CWC27: variants seen among roughly 807,000 people sequenced by gnomAD.
CWC27 encodes the protein spliceosome-associated protein CWC27 homolog.
CWC27 carries 47 observed loss-of-function variants against 63.6 expected under a neutral mutation model. The observed-to-expected ratio is 0.74, with a 90% CI of 0.58 to 0.94. The LOEUF is 0.94. Among genes scored for constraint, CWC27 ranks in the 40% least tolerant of loss-of-function variants. CWC27 has a pLI of 0.00. For missense variants in CWC27, 495 were observed against 554.3 expected, an observed-to-expected ratio of 0.89 and a Z score of 1.07; for synonymous variants, 175 against 179.8, an observed-to-expected ratio of 0.97 and a Z score of 0.22.
At chr5:64,936,153 A>G (rs939421329) in intron 11 of CWC27, among the ~76,000 whole-genome samples, 7 of 152,108 alleles carry the variant, frequency 4.6e-5, no homozygotes, top group Admixed American at 2.0e-4. Context: ...AGGAATGATG[A>G]GAGAGGGCAT....
At chr5:64,860,596 G>A (rs1436413248) in intron 10 of CWC27, among the ~76,000 whole-genome samples, 1 of 152,140 alleles carries the variant, frequency 6.6e-6, no homozygotes, top group Non-Finnish European at 1.5e-5. Context: ...AACTCATTAG[G>A]ATCAGCTCTA....
At chr5:64,947,863 A>C (rs1748620020) in intron 11 of CWC27, among the ~76,000 whole-genome samples, 1 of 152,064 alleles carries the variant, frequency 6.6e-6, no homozygotes, top group Non-Finnish European at 1.5e-5. Flanking sequence ...CATTTTGGGC[A>C]TTATCAGTCA....
intron 13 of CWC27, among the ~76,000 whole-genome samples, chr5:64,983,114 A>T (rs1749358396): frequency 6.6e-6 from 1 of 152,196 alleles, no homozygotes; most frequent in South Asian, 2.1e-4. Context: ...GTGCCAAAAA[A>T]GGTTGGGGGC....
intron 10 of CWC27, among the ~76,000 whole-genome samples, chr5:64,815,741 A>G (rs1345985214): frequency 1.3e-5 from 2 of 152,188 alleles, no homozygotes; most frequent in Non-Finnish European, 2.9e-5. Context: ...TAGAAGTACA[A>G]AATTCTAAAG....
intron 7 of CWC27, among the ~76,000 whole-genome samples, chr5:64,794,583 AG>A (rs1193689787): frequency 1.3e-5 from 2 of 152,204 alleles, no homozygotes; most frequent in East Asian, 3.9e-4. Context: ...ATCCAGAGGA[AG>A]GGAAATGGTG....
At chr5:64,984,333 G>A (rs904883232) in intron 13 of CWC27, among the ~76,000 whole-genome samples, 2 of 152,148 alleles carry the variant, frequency 1.3e-5, no homozygotes, top group Non-Finnish European at 2.9e-5. Flanking sequence ...CGTATCCAGT[G>A]CCTGGTTCAT....
At chr5:64,928,297 A>G (rs553175900) in intron 11 of CWC27, among the ~76,000 whole-genome samples, 294 of 152,308 alleles carry the variant, frequency 1.9e-3, no homozygotes, top group African/African-American at 6.6e-3. Flanking sequence ...CTTCTCTGAA[A>G]TACATTTTTT....
At position 64,799,511 on chromosome 5, in the gene CWC27, C is replaced by G. The variant is rs112836953; in HGVS notation, c.670-737C>G. On this transcript the variant is annotated intron_variant, in intron 7 of 13. Coordinates refer to ENST00000381070, the MANE Select transcript of CWC27 (RefSeq NM_005869.4). ...TGAGGCAGGAGGATCGCTTGAACCC[C>G]GGAAGCGGAGATTGCAGTGAGCTGA... Among the ~76,000 whole-genome samples the G allele has an allele frequency of 1.4e-4, 21 of 150,860 alleles. No homozygotes were observed. In the East Asian group the frequency reaches 2.4e-3, roughly 17 times the overall value.
intron 10 of CWC27, among the ~76,000 whole-genome samples, chr5:64,841,285 A>G (rs960673867): frequency 3.3e-5 from 5 of 152,182 alleles, no homozygotes; most frequent in Non-Finnish European, 1.5e-5. Flanking sequence ...ATCTTGTTTC[A>G]GGAGCTCACA....
chr5:64,826,625 T>C (rs1179625639), intron 10 of CWC27, among the ~76,000 whole-genome samples: 2 of 152,062 alleles, frequency 1.3e-5, no homozygotes, highest in African/African-American at 4.8e-5. Flanking sequence ...AAATGACAAG[T>C]AGTAAGTTCT....
intron 2 of CWC27, among the ~76,000 whole-genome samples, chr5:64,779,961 A>C (rs1266284045): frequency 1.3e-5 from 2 of 152,138 alleles, no homozygotes; most frequent in Non-Finnish European, 2.9e-5. Flanking sequence ...AAGTTTCCTG[A>C]GGCCTCCCCA....
rs111503476 is a variant in CWC27 at position 64,941,670 on chromosome 5, A to G, written c.1043-30033A>G. Among the ~76,000 whole-genome samples, 731 of 152,256 alleles carry G rather than the reference A, an allele frequency of 4.8e-3. 4 individuals carry two copies. The highest frequency in any genetic ancestry group is 0.017 in the African/African-American group (689 of 41,564). On this transcript the variant is annotated intron_variant, in intron 11 of 13. Transcript: ENST00000381070. ...TGAACATATGTGTATAGAAGTATAG[A>G]AATCATATTTTTTACACTTTCATTT...
At chr5:64,810,332 G>C (rs1231711246) in intron 10 of CWC27, among the ~76,000 whole-genome samples, 1 of 152,038 alleles carries the variant, frequency 6.6e-6, no homozygotes. Flanking sequence ...AGAGCGTGAT[G>C]CCTCCCACTT....
In CWC27 at chr5:64,862,852, C is replaced by T. The variant is rs374522418; in HGVS notation, c.939-22591C>T. The stretch of plus-strand genomic sequence containing the variant: ...CAAGGCATTAGCAGATTTGGTGTCT[C>T]GTGAGGGCCTATTTCCTGGTTCATA... On this transcript the variant is annotated intron_variant, in intron 10 of 13. Coordinates refer to ENST00000381070, the MANE Select transcript of CWC27 (RefSeq NM_005869.4). 6.0e-4 allele frequency among the ~76,000 whole-genome samples: 91 copies of T among 152,196 alleles called. No individual in the cohort carries two copies. In the South Asian group the frequency reaches 0.013, roughly 22 times the overall value.
At chr5:64,978,208 T>C (rs753707263) in intron 13 of CWC27, among the ~76,000 whole-genome samples, 55 of 152,236 alleles carry the variant, frequency 3.6e-4, no homozygotes, top group Admixed American at 3.3e-3. Flanking sequence ...AAAACACTTA[T>C]TAAGAAAACA....
chr5:64,896,240 A>C (rs1000637259), intron 11 of CWC27, among the ~76,000 whole-genome samples: 1 of 152,218 alleles, frequency 6.6e-6, no homozygotes, highest in Non-Finnish European at 1.5e-5. Context: ...TGTCCTTCAG[A>C]CAAACAAAAG....
chr5:65,005,692 T>G (rs1234931944), intron 13 of CWC27, among the ~76,000 whole-genome samples: 1 of 152,208 alleles, frequency 6.6e-6, no homozygotes, highest in Non-Finnish European at 1.5e-5. Flanking sequence ...TAAACCTCTC[T>G]AAACCCTGTA....
intron 10 of CWC27, among the ~76,000 whole-genome samples, chr5:64,866,351 A>G (rs934689356): frequency 2.6e-5 from 4 of 152,070 alleles, no homozygotes; most frequent in African/African-American, 4.8e-5. Context: ...TAAATATGGC[A>G]TATAGTACCT....
intron 11 of CWC27, among the ~76,000 whole-genome samples, chr5:64,914,010 G>C (rs185389773): frequency 9.9e-5 from 15 of 152,160 alleles, no homozygotes; most frequent in Non-Finnish European, 1.9e-4. Flanking sequence ...ATAGAATAGA[G>C]AGCCTGAAAC....
Sources: allele counts gnomAD v4.1 joint callset (sites outside exome capture counted in the v4.1 genomes callset), GRCh38; gene constraint gnomAD v4.1.1; transcripts MANE v1.5; gene names NCBI Gene and HGNC (gene_info 2026-07-23, HGNC 2026-07-21).